SLC10A7: variants seen among roughly 807,000 people sequenced by gnomAD.
SLC10A7 encodes the protein solute carrier family 10 member 7.
A neutral mutation model predicts 43.2 loss-of-function variants in SLC10A7; 29 were observed. The ratio of observed to expected loss-of-function variants is 0.67; its 90% CI spans 0.50 to 0.92. SLC10A7 has a LOEUF of 0.92. Ranked by LOEUF, SLC10A7 falls within the 40% of genes least tolerant of loss-of-function variation. SLC10A7 has a pLI of 0.00. For synonymous variants in SLC10A7, 152 were observed against 144.8 expected (o/e 1.05, Z -0.35); for missense variants, 295 against 403.2 (o/e 0.73, Z 2.30).
intron 4 of SLC10A7, among the ~76,000 whole-genome samples, chr4:146,479,318 T>C (rs183854478): frequency 5.9e-5 from 9 of 152,310 alleles, no homozygotes; most frequent in African/African-American, 2.2e-4. Context: ...CTTTGTACTA[T>C]ATTTCGTAGG....
chr4:146,401,550 T>C (rs1739227698), intron 5 of SLC10A7, among the ~76,000 whole-genome samples: 2 of 152,308 alleles, frequency 1.3e-5, no homozygotes, highest in East Asian at 1.9e-4. Flanking sequence ...ACTTATTGCA[T>C]GCCTCTTACA....
chr4:146,387,833 A>C (rs772954562), intron 5 of SLC10A7, among the ~76,000 whole-genome samples: 42 of 152,292 alleles, frequency 2.8e-4, no homozygotes, highest in Middle Eastern at 3.4e-3. Flanking sequence ...TTTATAATAC[A>C]TACCAAAAAA....
In SLC10A7 at chr4:146,427,633, T is replaced by C. The variant is rs1729469106; in HGVS notation, c.435+15150A>G. Reference sequence around the variant, plus strand: ...ATACTGTTTCCATGATCTCTACTCATTGTTTCCTCTTTAGTTTAAAAAGGT... The same window carrying C: ...ATACTGTTTCCATGATCTCTACTCACTGTTTCCTCTTTAGTTTAAAAAGGT... On this transcript the variant is annotated intron_variant, in intron 5 of 11. Transcript: ENST00000335472. 4.1e-5 allele frequency among the ~76,000 whole-genome samples: 6 copies of C among 146,368 alleles called. No homozygotes were observed. In the South Asian group the frequency reaches 1.2e-3, roughly 30 times the overall value.
chr4:146,451,251 C>CAAAAAAAAAAAAAAAAAAAAA (rs1202857042), intron 4 of SLC10A7, among the ~76,000 whole-genome samples: 1 of 92,458 alleles, frequency 1.1e-5, no homozygotes. Context: ...AAAAAAAAAA[C>CAAAAAAAAAAAAAAAAAAAAA]AAAAAAAAAC....
chr4:146,336,935 C>A (rs1417871596), intron 5 of SLC10A7, among the ~76,000 whole-genome samples: 2 of 152,038 alleles, frequency 1.3e-5, no homozygotes, highest in Admixed American at 6.6e-5. Context: ...CTCATGACTT[C>A]TCTTTTTTGT....
chr4:146,499,817 G>A (rs533681927), intron 4 of SLC10A7, among the ~76,000 whole-genome samples: 16 of 152,194 alleles, frequency 1.1e-4, no homozygotes, highest in Admixed American at 3.9e-4. Context: ...CATTATTAAC[G>A]TGGAACATTA....
At chr4:146,346,247 T>C (rs1163362516) in intron 5 of SLC10A7, among the ~76,000 whole-genome samples, 1 of 152,150 alleles carries the variant, frequency 6.6e-6, no homozygotes, top group Non-Finnish European at 1.5e-5. Flanking sequence ...AATTAACTAG[T>C]ATTAAGAAAA....
intron 5 of SLC10A7, among the ~76,000 whole-genome samples, chr4:146,365,312 T>C (rs1424488793): frequency 6.6e-6 from 1 of 152,220 alleles, no homozygotes; most frequent in Non-Finnish European, 1.5e-5. Flanking sequence ...TTGTCAAGTA[T>C]CTATATTTGC....
At chr4:146,324,972 G>A (rs1733001061) in intron 6 of SLC10A7, among the ~76,000 whole-genome samples, 1 of 152,108 alleles carries the variant, frequency 6.6e-6, no homozygotes, top group African/African-American at 2.4e-5. Context: ...TGAAAGATGT[G>A]GAATCCAACT....
chr4:146,301,004 T>C (rs1245942781), intron 7 of SLC10A7, among the ~76,000 whole-genome samples: 1 of 152,170 alleles, frequency 6.6e-6, no homozygotes, highest in African/African-American at 2.4e-5. Flanking sequence ...TACCTATAAA[T>C]AGTAACCTAT....
chr4:146,373,215 AT>A (rs1736915073), intron 5 of SLC10A7, among the ~76,000 whole-genome samples: 1 of 152,162 alleles, frequency 6.6e-6, no homozygotes, highest in Non-Finnish European at 1.5e-5. Flanking sequence ...GCTCATGCCT[AT>A]AATCCCAGTA....
intron 4 of SLC10A7, among the ~76,000 whole-genome samples, chr4:146,457,574 T>A (rs1257780428): frequency 1.3e-5 from 2 of 151,948 alleles, no homozygotes; most frequent in Admixed American, 1.3e-4. Flanking sequence ...AAGCCTGATT[T>A]GCCCTGCAAA....
At chr4:146,515,766 C>T (rs566995773) in intron 2 of SLC10A7, among the ~76,000 whole-genome samples, 14 of 151,878 alleles carry the variant, frequency 9.2e-5, no homozygotes, top group Admixed American at 2.6e-4. Flanking sequence ...AGAAATTAGC[C>T]GGGCGTGGTG....
In SLC10A7 at chr4:146,255,010, G is replaced by A. The variant is rs1375259645; in HGVS notation, c.*1481C>T. Reference sequence around the variant, plus strand: ...AACAATAATATAAATTTACACAGTAGATAAACTTGGTGAGTTTCTAAGGAA... The same window carrying A: ...AACAATAATATAAATTTACACAGTAAATAAACTTGGTGAGTTTCTAAGGAA... On this transcript the variant is annotated 3_prime_UTR_variant, in exon 12 of 12. Coordinates refer to ENST00000335472, the MANE Select transcript of SLC10A7 (RefSeq NM_001029998.6). The A allele has an allele frequency of 2.0e-5, 3 of 152,182 alleles. No homozygotes were observed. Among genetic ancestry groups the A allele is most frequent in the Non-Finnish European group, 4.4e-5 (3 of 68,034 alleles). 9.4% of individuals were successfully genotyped at this position (152,182 alleles called of 1,614,324 possible). A position where few individuals can be genotyped will look rare whatever the true frequency, so the allele number is the denominator to read the frequency against.
At chr4:146,437,778 GTT>G (rs1181883811) in intron 5 of SLC10A7, among the ~76,000 whole-genome samples, 1 of 151,992 alleles carries the variant, frequency 6.6e-6, no homozygotes, top group Non-Finnish European at 1.5e-5. Flanking sequence ...TCTTGATCTA[GTT>G]TTTAAAAAGC....
intron 7 of SLC10A7, among the ~76,000 whole-genome samples, chr4:146,303,932 T>G (rs1470160815): frequency 6.6e-6 from 1 of 151,884 alleles, no homozygotes; most frequent in Non-Finnish European, 1.5e-5. Context: ...TTGCCCATAG[T>G]AACACTGCAA....
chr4:146,453,263 G>T (rs1181848999), intron 4 of SLC10A7, among the ~76,000 whole-genome samples: 1 of 151,866 alleles, frequency 6.6e-6, no homozygotes, highest in Admixed American at 6.6e-5. Context: ...TGTTTTCTGG[G>T]TGCTAAATTG....
intron 5 of SLC10A7, among the ~76,000 whole-genome samples, chr4:146,384,558 TTTA>T: frequency 6.6e-6 from 1 of 152,244 alleles, no homozygotes; most frequent in East Asian, 1.9e-4. Flanking sequence ...ACTATGTGAT[TTTA>T]TTATTAGTCT....
chr4:146,259,749 T>C (rs1728106594), intron 10 of SLC10A7, among the ~76,000 whole-genome samples: 1 of 152,252 alleles, frequency 6.6e-6, no homozygotes, highest in South Asian at 2.1e-4. Flanking sequence ...ATTTTTGAGC[T>C]TCTATAACTA....
Sources: allele counts gnomAD v4.1 joint callset (sites outside exome capture counted in the v4.1 genomes callset), GRCh38; gene constraint gnomAD v4.1.1; transcripts MANE v1.5; gene names NCBI Gene and HGNC (gene_info 2026-07-23, HGNC 2026-07-21).